MYBPC3: variants seen among roughly 807,000 people sequenced by gnomAD.
MYBPC3 encodes the protein myosin binding protein C3, also known as myosin-binding protein C, cardiac-type.
In MYBPC3, 108 loss-of-function variants were observed where a neutral mutation model predicts 159.3. The ratio of observed to expected loss-of-function variants is 0.68; its 90% CI spans 0.58 to 0.80. The LOEUF is 0.80. MYBPC3 is among the 30% of genes least tolerant of loss of function. The pLI is 0.00. For missense variants in MYBPC3, 1,631 were observed against 1,762.1 expected (o/e 0.93, Z 1.33); for synonymous variants, 730 against 702.0 (o/e 1.04, Z -0.63).
intron 13 of MYBPC3, 71 bp from the exon 14 acceptor site, chr11:47,343,333 G>C (rs2095891049): frequency 6.6e-7 from 1 of 1,509,464 alleles, no homozygotes; most frequent in Non-Finnish European, 8.8e-7. Flanking sequence ...AGGAGAGAGA[G>C]AGAGGGACCG....
At chr11:47,340,773 T>C (rs1370972935) in intron 20 of MYBPC3, among the ~76,000 whole-genome samples, 1 of 152,230 alleles carries the variant, frequency 6.6e-6, no homozygotes, top group Non-Finnish European at 1.5e-5. Context: ...CACCTCATCT[T>C]TATAACTATC....
At position 47,332,402 on chromosome 11, in the gene MYBPC3, A is replaced by G; in HGVS notation, c.3628-144T>C. On this transcript the variant is annotated intron_variant, in intron 32 of 34. Transcript: ENST00000545968. The surrounding 1 kb of genome is among the most constrained non-coding windows in gnomAD (Gnocchi z 4.2). ...GCCCAAGGCTGGAAACAAACATGGA[A>G]CCAAGAGTGAGTACCATGGCCCTGC... is the stretch of plus-strand genomic sequence containing the variant. 1 of 1,417,676 alleles carries G rather than the reference A, an allele frequency of 7.1e-7. No individual in the cohort carries two copies. Among genetic ancestry groups the G allele is most frequent in the Non-Finnish European group, 9.7e-7 (1 of 1,032,328 alleles). The allele number at this position is 1,417,676 out of a possible 1,614,324, so 87.8% of individuals were successfully genotyped here. A position where few individuals can be genotyped will look rare whatever the true frequency, so the allele number is the denominator to read the frequency against.
At chr11:47,343,191 C>T in intron 14 of MYBPC3, 46 bp from the exon 15 acceptor site, 1 of 1,597,540 alleles carries the variant, frequency 6.3e-7, no homozygotes. Context: ...GCGGACACCC[C>T]TCCGGGCCCA....
In MYBPC3 at chr11:47,341,273, C is replaced by T. The variant is rs1161190862; in HGVS notation, c.1791-29G>A. On this transcript the variant is annotated intron_variant, in intron 18 of 34. Transcript: ENST00000545968. ...CAGGGGAGCAGTGGCTCAGGGGACC[C>T]CACTGGGCCACACACCCCTGGCCTT... is the stretch of plus-strand genomic sequence containing the variant. The T allele has an allele frequency of 5.2e-6, 8 of 1,527,992 alleles. No individual in the cohort carries two copies. The South Asian group carries it at 7.2e-5, about 14-fold the overall frequency. The allele number at this position is 1,527,992 out of a possible 1,614,324, so 94.7% of individuals were successfully genotyped here.
intron 12 of MYBPC3, 30 bp from the exon 13 acceptor site, chr11:47,343,654 C>T (rs1333945281): frequency 2.5e-6 from 4 of 1,571,106 alleles, no homozygotes; most frequent in Non-Finnish European, 3.4e-6. Flanking sequence ...CCCGGCCACC[C>T]CACCGCCCGC....
rs397515987 is a variant in MYBPC3 at position 47,335,112 on chromosome 11, CCG to C, written c.2833_2834del (p.Arg945GlyfsTer105). ...PTGARLLFRV[R>X]AHNMAGPGAP... ...CTCCAGGCCCTGCCATATTGTGTGC[CCG>C]CACTCGGAAAAGCAGCCGGGCCCCC... On this transcript the variant is annotated frameshift_variant, in exon 27 of 35. Coordinates refer to ENST00000545968, the MANE Select transcript of MYBPC3 (RefSeq NM_000256.3). LOFTEE classifies it high-confidence loss of function. The C allele has an allele frequency of 1.2e-6, 2 of 1,612,280 alleles. No homozygotes were observed. Among genetic ancestry groups the C allele is most frequent in the East Asian group, 4.5e-5 (2 of 44,708 alleles).
At chr11:47,339,161 C>A (rs1023024961) in intron 22 of MYBPC3, among the ~76,000 whole-genome samples, 163 bp downstream of exon 22, 6 of 152,226 alleles carry the variant, frequency 3.9e-5, no homozygotes, top group Admixed American at 1.3e-4. Flanking sequence ...TCACAGAGAC[C>A]CTCTGCCTGA....
At chr11:47,336,289 A>T in intron 25 of MYBPC3, 1 of 239,914 alleles carries the variant, frequency 4.2e-6, no homozygotes, top group Non-Finnish European at 8.0e-6. Flanking sequence ...GGAGTTCAAG[A>T]CCAGCCTGGC....
rs945855918 is a variant in MYBPC3, at chr11:47,346,424, G to A, written c.927-54C>T. 26 of 1,493,268 alleles carry A rather than the reference G, an allele frequency of 1.7e-5. No homozygotes were observed. Among genetic ancestry groups the A allele is most frequent in the African/African-American group, 9.7e-5 (7 of 71,894 alleles). 92.5% of individuals were successfully genotyped at this position (1,493,268 alleles called of 1,614,324 possible). A position where few individuals can be genotyped will look rare whatever the true frequency, so the allele number is the denominator to read the frequency against. On this transcript the variant is annotated intron_variant, in intron 11 of 34. Coordinates refer to ENST00000545968, the MANE Select transcript of MYBPC3 (RefSeq NM_000256.3). The surrounding 1 kb of genome is among the most constrained non-coding windows in gnomAD (Gnocchi z 5.3). ...GGGGCAAGACTGCAGCCCCCTGGGCGGGGCTTCCTGGGCCCAGGACCAAGG... is the reference window on the plus strand; with the variant it reads ...GGGGCAAGACTGCAGCCCCCTGGGCAGGGCTTCCTGGGCCCAGGACCAAGG...
At position 47,332,343 on chromosome 11, in the gene MYBPC3, C is replaced by A; in HGVS notation, c.3628-85G>T. ...GACCCAGGGAGACACATCTGTGTTT[C>A]TACTCGGGGGGTCCCACGAGAGTCC... is the stretch of plus-strand genomic sequence containing the variant. On this transcript the variant is annotated intron_variant, in intron 32 of 34. Coordinates refer to ENST00000545968, the MANE Select transcript of MYBPC3 (RefSeq NM_000256.3). The surrounding 1 kb of genome is among the most constrained non-coding windows in gnomAD (Gnocchi z 4.2). 6.6e-7 allele frequency: 1 copy of A among 1,517,324 alleles called. No homozygotes were observed. The highest frequency in any genetic ancestry group is 9.1e-7 in the Non-Finnish European group (1 of 1,097,164). 94.0% of individuals were successfully genotyped at this position (1,517,324 alleles called of 1,614,324 possible).
intron 29 of MYBPC3, 62 bp from the exon 30 acceptor site, chr11:47,333,395 C>A: frequency 6.7e-7 from 1 of 1,500,496 alleles, no homozygotes. Flanking sequence ...GGGTCACTGG[C>A]TCCAGGGACC....
At chr11:47,341,571 G>A (rs959368099) in intron 18 of MYBPC3, among the ~76,000 whole-genome samples, 27 of 152,178 alleles carry the variant, frequency 1.8e-4, no homozygotes, top group African/African-American at 5.8e-4. Flanking sequence ...GCAAGAGGGC[G>A]GGAGAGGCAG....
chr11:47,340,623 C>G (rs374638338), intron 20 of MYBPC3, among the ~76,000 whole-genome samples: 1 of 151,958 alleles, frequency 6.6e-6, no homozygotes, highest in African/African-American at 2.4e-5. Flanking sequence ...GCCGAGATCG[C>G]GCCACTTCTC....
Position 47,332,905 on chromosome 11 carries a change from A to T in MYBPC3, c.3399T>A (p.Asn1133Lys). The T allele has an allele frequency of 1.2e-6, 2 of 1,609,574 alleles. No homozygotes were observed. Among genetic ancestry groups the T allele is most frequent in the African/African-American group, 1.3e-5 (1 of 74,970 alleles). ...GGCTGAAGACGCGGAAGTAGTAGCC[A>T]TTGCCAATGATGAGCTCTGGCACCA... ...HCVVPELIIG[N>K]GYYFRVFSQN... Residue 1133 changes from asparagine to lysine, a missense_variant, in exon 31 of 35, where the codon AAT becomes AAA. Coordinates refer to ENST00000545968, the MANE Select transcript of MYBPC3 (RefSeq NM_000256.3). This position sits in a 1 kb window ranked among gnomAD's most constrained non-coding sequence, Gnocchi z 4.2.
rs369904619 is a variant in MYBPC3, at chr11:47,337,449, C to T, written c.2544G>A (p.Ala848=). ...GCCTGGACATGCCGATGGCGTTGAC[C>T]GCGTAGACGCGCATCTCGTACACCA... ...EGVVYEMRVY[A]VNAIGMSRPS... Residue 848 remains alanine (A), a synonymous_variant, in exon 25 of 35, where the codon GCG becomes GCA. Coordinates refer to ENST00000545968, the MANE Select transcript of MYBPC3 (RefSeq NM_000256.3). The T allele has an allele frequency of 2.4e-5, 39 of 1,612,680 alleles. No individual in the cohort carries two copies. The highest frequency in any genetic ancestry group is 2.9e-5 in the Non-Finnish European group (34 of 1,179,500).
intron 27 of MYBPC3, 114 bp downstream of exon 27, chr11:47,334,928 C>G (rs2095880735): frequency 4.9e-6 from 6 of 1,234,920 alleles, no homozygotes; most frequent in Non-Finnish European, 6.3e-6. Flanking sequence ...CCTGTCTCTG[C>G]CCAGCGTTCT....
chr11:47,338,420 A>G lies in MYBPC3; in HGVS notation c.2308+100T>C. ...CCTGTTGCCGCTCGGCTCAGGGAGC[A>G]TGCCCGTGATGTTTGTCGAGTGGCT... On this transcript the variant is annotated intron_variant, in intron 23 of 34. Transcript: ENST00000545968. The surrounding 1 kb of genome is among the most constrained non-coding windows in gnomAD (Gnocchi z 4.7). 7.1e-6 allele frequency: 11 copies of G among 1,539,038 alleles called. No individual in the cohort carries two copies. In the Admixed American group the frequency reaches 1.2e-4, roughly 17 times the overall value.
At chr11:47,340,942 C>A in intron 20 of MYBPC3, 61 bp downstream of exon 20, 1 of 1,464,090 alleles carries the variant, frequency 6.8e-7, no homozygotes. Context: ...GGAGGGGAGG[C>A]CTGCGTGGGT....
chr11:47,343,209 C>G, intron 14 of MYBPC3, 51 bp downstream of exon 14: 2 of 1,584,804 alleles, frequency 1.3e-6, no homozygotes, highest in Non-Finnish European at 1.7e-6. Flanking sequence ...CCAGTGCGCC[C>G]CATGATAATC....
Sources: allele counts gnomAD v4.1 joint callset (sites outside exome capture counted in the v4.1 genomes callset), GRCh38; gene constraint gnomAD v4.1.1; non-coding constraint Gnocchi (gnomAD v3.1); transcripts MANE v1.5; gene names NCBI Gene and HGNC (gene_info 2026-07-23, HGNC 2026-07-21).